EXD3: variants seen among roughly 807,000 people sequenced by gnomAD.
EXD3 encodes exonuclease 3'-5' domain containing 3, also known as exonuclease mut-7 homolog.
Under a neutral mutation model 98.0 loss-of-function variants are expected in EXD3, and 92 were observed. That is an observed-to-expected ratio of 0.94 (90% CI 0.79 to 1.12). The LOEUF is 1.12. EXD3 is among the 50% of genes most tolerant of loss of function. EXD3 has a pLI of 0.00. For synonymous variants in EXD3, 569 were observed against 526.0 expected (o/e 1.08, Z -1.12); for missense variants, 1,222 against 1,191.6 (o/e 1.03, Z -0.38).
intron 7 of EXD3, chr9:137,366,105 G>A: frequency 1.4e-6 from 1 of 694,132 alleles, no homozygotes. Context: ...GTCAGGTGCT[G>A]CCTTTTCTCT....
intron 17 of EXD3, among the ~76,000 whole-genome samples, chr9:137,337,968 T>C (rs1376859903): frequency 3.9e-5 from 6 of 152,018 alleles, no homozygotes; most frequent in African/African-American, 1.4e-4. Context: ...TTTGAATTTT[T>C]AGTACAGACA....
At chr9:137,420,886 C>T (rs1335258444) in intron 1 of EXD3, among the ~76,000 whole-genome samples, 1 of 152,164 alleles carries the variant, frequency 6.6e-6, no homozygotes, top group African/African-American at 2.4e-5. Context: ...GCGATCATAG[C>T]TCACTGCAGC....
intron 10 of EXD3, chr9:137,354,131 ACT>A: frequency 7.0e-7 from 1 of 1,419,396 alleles, no homozygotes; most frequent in Admixed American, 2.9e-5. Context: ...GTCAGGCTCT[ACT>A]GATGCCCTCG....
Position 137,385,227 on chromosome 9 carries a change from T to C in EXD3, c.56-1850A>G, listed in dbSNP as rs1488018973. 6.6e-6 allele frequency among the ~76,000 whole-genome samples: 1 copy of C among 152,168 alleles called. No homozygotes were observed. Among genetic ancestry groups the C allele is most frequent in the Non-Finnish European group, 1.5e-5 (1 of 68,022 alleles). ...AGAACCGTCCCACCATCGTGCACAG[T>C]GTGCTGCATACAGAGGCTGAGAACA... On this transcript the variant is annotated intron_variant, in intron 2 of 21. Transcript: ENST00000340951. This position sits in a 1 kb window ranked among gnomAD's most constrained non-coding sequence, Gnocchi z 4.4.
At chr9:137,374,967 G>C in intron 3 of EXD3, 1 of 551,478 alleles carries the variant, frequency 1.8e-6, no homozygotes, top group East Asian at 1.5e-4. Flanking sequence ...GCTCTAGTGA[G>C]TTCCAGCTCT....
intron 19 of EXD3, among the ~76,000 whole-genome samples, chr9:137,317,115 C>T (rs1831716396): frequency 1.3e-5 from 2 of 152,118 alleles, no homozygotes; most frequent in East Asian, 1.9e-4. Context: ...GGTCAGGAGA[C>T]CCCAGCCGGC....
chr9:137,368,730 C>G (rs551358596), intron 5 of EXD3, among the ~76,000 whole-genome samples: 1 of 152,216 alleles, frequency 6.6e-6, no homozygotes, highest in Non-Finnish European at 1.5e-5. Flanking sequence ...AGCCCCGGTG[C>G]GCAGGGTGGG....
chr9:137,417,252 G>A (rs1482658661), intron 1 of EXD3, among the ~76,000 whole-genome samples: 1 of 152,202 alleles, frequency 6.6e-6, no homozygotes, highest in African/African-American at 2.4e-5. Context: ...GCGCCGCAGG[G>A]ACGGGGATGG....
chr9:137,315,393 G>A (rs1466109040), intron 19 of EXD3, among the ~76,000 whole-genome samples: 2 of 152,222 alleles, frequency 1.3e-5, no homozygotes, highest in Admixed American at 6.5e-5. Flanking sequence ...CGCCACCGCC[G>A]GAGAGACCAC....
chr9:137,395,725 A>G lies in EXD3; in HGVS notation c.-47-321T>C, dbSNP rs377218524. Among the ~76,000 whole-genome samples the G allele has an allele frequency of 1.4e-4, 22 of 152,034 alleles. No homozygotes were observed. The East Asian group carries it at 1.9e-3, about 13-fold the overall frequency. On this transcript the variant is annotated intron_variant, in intron 1 of 21. Coordinates refer to ENST00000340951, the MANE Select transcript of EXD3 (RefSeq NM_017820.5). The surrounding 1 kb of genome is among the most constrained non-coding windows in gnomAD (Gnocchi z 6.5). ...AGTGCAGAGGGGCCTGTTCTTGAGGACAGCGTGACCCCCCTTGCCATGTCC... is the reference window on the plus strand; with the variant it reads ...AGTGCAGAGGGGCCTGTTCTTGAGGGCAGCGTGACCCCCCTTGCCATGTCC...
intron 17 of EXD3, chr9:137,343,028 G>A (rs1299508567): frequency 6.6e-6 from 1 of 152,438 alleles, no homozygotes; most frequent in Admixed American, 6.5e-5. Context: ...CCTGAGGCAG[G>A]AGAATCGCTT....
chr9:137,378,202 A>G (rs1344469869), intron 3 of EXD3, among the ~76,000 whole-genome samples: 1 of 151,416 alleles, frequency 6.6e-6, no homozygotes, highest in Non-Finnish European at 1.5e-5. Context: ...TTATTTGTTT[A>G]TTTATTTTTA....
chr9:137,352,783 G>A lies in EXD3; in HGVS notation c.874C>T (p.Leu292=). The part of the protein sequence containing the change: ...QENWTDHVQG[L]VGQSPWLQEQ... ...TGAAGCCACGGGCTCTGCCCCACCA[G>A]GCCCTGTGAGGAGGGTGGCCGTGAG... The change falls in exon 11 of 22, where the codon CTG becomes TTG. Residue 292 remains leucine, a synonymous_variant. Coordinates refer to ENST00000340951, the MANE Select transcript of EXD3 (RefSeq NM_017820.5). The A allele has an allele frequency of 1.3e-6, 2 of 1,580,272 alleles. No homozygotes were observed. Among genetic ancestry groups the A allele is most frequent in the Middle Eastern group, 1.7e-4 (1 of 5,890 alleles).
At chr9:137,365,563 CATG>C (rs1835182660) in intron 7 of EXD3, 1 of 175,862 alleles carries the variant, frequency 5.7e-6, no homozygotes, top group African/African-American at 2.5e-5. Flanking sequence ...CCTGCACAAA[CATG>C]AACACAGTGC....
chr9:137,354,909 C>A, intron 8 of EXD3, 136 bp from the exon 9 acceptor site: 2 of 836,560 alleles, frequency 2.4e-6, no homozygotes, highest in South Asian at 1.8e-5. Flanking sequence ...GGAGCCCACC[C>A]CCTCCTCACC....
intron 7 of EXD3, chr9:137,365,805 A>G: frequency 2.9e-6 from 1 of 345,572 alleles, no homozygotes; most frequent in Non-Finnish European, 5.7e-6. Context: ...AGGCACACAC[A>G]TGTACACATC....
intron 7 of EXD3, 160 bp downstream of exon 7, chr9:137,366,333 C>T (rs1313446373): frequency 1.9e-6 from 2 of 1,039,024 alleles, no homozygotes; most frequent in East Asian, 2.6e-5. Context: ...TCTCCAGAGG[C>T]AGCTGCTCCA....
At position 137,385,622 on chromosome 9, in the gene EXD3, A is replaced by G. The variant is rs78221697; in HGVS notation, c.56-2245T>C. Among the ~76,000 whole-genome samples, 2 of 151,962 alleles carry G rather than the reference A, an allele frequency of 1.3e-5. No individual in the cohort carries two copies. Among genetic ancestry groups the G allele is most frequent in the Non-Finnish European group, 2.9e-5 (2 of 68,000 alleles). On this transcript the variant is annotated intron_variant, in intron 2 of 21. Transcript: ENST00000340951. The surrounding 1 kb of genome is among the most constrained non-coding windows in gnomAD (Gnocchi z 4.4). The stretch of plus-strand genomic sequence containing the variant: ...GTGATCTCGGCTCACTGCAACCTCC[A>G]CCTCTCAGGTTCGTGATTCTCGTGC...
intron 17 of EXD3, among the ~76,000 whole-genome samples, chr9:137,343,702 C>A (rs1156399291): frequency 2.8e-5 from 4 of 143,864 alleles, no homozygotes. Context: ...CATTCTCCTG[C>A]CTCAGCCTCC....
Sources: allele counts gnomAD v4.1 joint callset (sites outside exome capture counted in the v4.1 genomes callset), GRCh38; gene constraint gnomAD v4.1.1; non-coding constraint Gnocchi (gnomAD v3.1); transcripts MANE v1.5; gene names NCBI Gene and HGNC (gene_info 2026-07-23, HGNC 2026-07-21).